Variants in ATXN7L1 observed in about 807,000 individuals in gnomAD.
ATXN7L1 encodes ataxin 7 like 1, also known as ataxin-7-like protein 1.
A neutral mutation model predicts 70.8 loss-of-function variants in ATXN7L1; 15 were observed. That is an observed-to-expected ratio of 0.21 (90% confidence interval 0.14 to 0.33). The LOEUF is 0.33. Among genes scored for constraint, ATXN7L1 ranks in the 10% least tolerant of loss-of-function variants. ATXN7L1 has a pLI of 1.00. For synonymous variants in ATXN7L1, 440 were observed against 445.1 expected (o/e 0.99, Z 0.14); for missense variants, 975 against 1,097.1 (o/e 0.89, Z 1.57).
chr7:105,608,589 C>T (rs1364734646), intron 11 of ATXN7L1, among the ~76,000 whole-genome samples: 2 of 152,084 alleles, frequency 1.3e-5, no homozygotes, highest in African/African-American at 4.8e-5. Context: ...TCTGTAGGTA[C>T]ACATGACAAC....
At chr7:105,764,501 G>A (rs1279860955) in intron 3 of ATXN7L1, among the ~76,000 whole-genome samples, 1 of 152,084 alleles carries the variant, frequency 6.6e-6, no homozygotes, top group Non-Finnish European at 1.5e-5. Context: ...GCCCTCCAGG[G>A]GATTCTGACA....
intron 3 of ATXN7L1, among the ~76,000 whole-genome samples, chr7:105,756,375 G>A (rs1398134952): frequency 6.6e-6 from 1 of 152,174 alleles, no homozygotes; most frequent in African/African-American, 2.4e-5. Context: ...AGAGAAAAAT[G>A]TGAATGTGAT....
chr7:105,737,404 C>G (rs1050932517), intron 3 of ATXN7L1, among the ~76,000 whole-genome samples: 1 of 152,220 alleles, frequency 6.6e-6, no homozygotes, highest in African/African-American at 2.4e-5. Context: ...ATCCTCATGA[C>G]AATTCCACGA....
At chr7:105,810,807 G>A (rs1033474375) in intron 2 of ATXN7L1, among the ~76,000 whole-genome samples, 3 of 152,244 alleles carry the variant, frequency 2.0e-5, no homozygotes, top group Non-Finnish European at 4.4e-5. Context: ...GAGCAGAGGA[G>A]TGACATGAAC....
At chr7:105,788,745 G>A in intron 2 of ATXN7L1, 37 bp from the exon 3 acceptor site, 3 of 1,510,272 alleles carry the variant, frequency 2.0e-6, no homozygotes, top group Non-Finnish European at 2.8e-6. Flanking sequence ...TTTTGAAAAA[G>A]CAATTAAGTC....
intron 2 of ATXN7L1, among the ~76,000 whole-genome samples, chr7:105,805,514 C>T (rs1002023949): frequency 6.6e-6 from 1 of 152,178 alleles, no homozygotes. Flanking sequence ...TGATTATATG[C>T]CAGACACTGG....
At chr7:105,784,628 C>T (rs1221993195) in intron 3 of ATXN7L1, among the ~76,000 whole-genome samples, 1 of 151,892 alleles carries the variant, frequency 6.6e-6, no homozygotes, top group East Asian at 1.9e-4. Context: ...CAGCTGGGGG[C>T]GATGGGGAAA....
Position 105,735,122 on chromosome 7 carries a change from C to T in ATXN7L1, c.355+53482G>A, listed in dbSNP as rs140320872. Among the ~76,000 whole-genome samples, 287 of 152,260 alleles carry T rather than the reference C, an allele frequency of 1.9e-3. 1 individual carries two copies. The highest frequency in any genetic ancestry group is 6.6e-3 in the African/African-American group (276 of 41,540). On this transcript the variant is annotated intron_variant, in intron 3 of 11. Coordinates refer to ENST00000419735, the MANE Select transcript of ATXN7L1 (RefSeq NM_020725.2). Reference sequence around the variant, plus strand: ...TAAAACAATTTCAAATTAAATACCTCGAAGAAATCCTTTTTTCCTCAGCCA... The same window carrying T: ...TAAAACAATTTCAAATTAAATACCTTGAAGAAATCCTTTTTTCCTCAGCCA...
chr7:105,627,847 T>TG lies in ATXN7L1; in HGVS notation c.1203-3581_1203-3580insC, dbSNP rs529927563. 7.4e-3 allele frequency among the ~76,000 whole-genome samples: 1,013 copies of TG among 136,940 alleles called. 3 individuals are homozygous for TG. Among genetic ancestry groups the TG allele is most frequent in the Non-Finnish European group, 0.011 (711 of 63,184 alleles). 89.8% of individuals were successfully genotyped at this position (136,940 alleles called of 152,430 possible). On this transcript the variant is annotated intron_variant, in intron 7 of 11. Transcript: ENST00000419735. Reference sequence around the variant, plus strand: ...ACGCCCGGTCCTGTCTTTAGTTTTTTTTTTTTTTTTTTTTTGAGATGGAGT... The same window carrying TG: ...ACGCCCGGTCCTGTCTTTAGTTTTTTGTTTTTTTTTTTTTTTGAGATGGAGT...
intron 3 of ATXN7L1, among the ~76,000 whole-genome samples, chr7:105,673,203 C>T (rs1365693945): frequency 6.6e-6 from 1 of 152,208 alleles, no homozygotes; most frequent in Non-Finnish European, 1.5e-5. Flanking sequence ...TTCAGTGTTC[C>T]CTTCCCCATA....
chr7:105,688,430 C>G (rs538197146), intron 3 of ATXN7L1, among the ~76,000 whole-genome samples: 1 of 152,090 alleles, frequency 6.6e-6, no homozygotes, highest in African/African-American at 2.4e-5. Flanking sequence ...GTAGCCCCAG[C>G]TACTTGGGAG....
intron 3 of ATXN7L1, among the ~76,000 whole-genome samples, chr7:105,777,633 C>T (rs866157841): frequency 1.3e-4 from 20 of 152,310 alleles, no homozygotes; most frequent in Middle Eastern, 3.4e-3. Flanking sequence ...AAATAGATCT[C>T]GAGTTTATCC....
intron 2 of ATXN7L1, among the ~76,000 whole-genome samples, chr7:105,807,033 G>A (rs1465436950): frequency 2.0e-5 from 3 of 152,182 alleles, no homozygotes; most frequent in African/African-American, 7.2e-5. Context: ...GGCCTCCTGG[G>A]CCAGGGCACG....
chr7:105,788,716 G>T lies in ATXN7L1; in HGVS notation c.251-8C>A. 1 of 1,594,162 alleles carries T rather than the reference G, an allele frequency of 6.3e-7. No individual in the cohort carries two copies. Among genetic ancestry groups the T allele is most frequent in the Non-Finnish European group, 8.6e-7 (1 of 1,161,926 alleles). On this transcript the variant is annotated splice_region_variant and splice_polypyrimidine_tract_variant and intron_variant, in intron 2 of 11. Coordinates refer to ENST00000419735, the MANE Select transcript of ATXN7L1 (RefSeq NM_020725.2). Reference sequence around the variant, plus strand: ...GGCCAAATAAGTGCATATCTGTGGGGGAAATGAAAACAAGTGTGTTTTGAA... The same window carrying T: ...GGCCAAATAAGTGCATATCTGTGGGTGAAATGAAAACAAGTGTGTTTTGAA...
chr7:105,866,480 A>ATT (rs1269342194), intron 2 of ATXN7L1, among the ~76,000 whole-genome samples: 18 of 152,280 alleles, frequency 1.2e-4, no homozygotes, highest in Admixed American at 1.1e-3. Flanking sequence ...CTTATAGACG[A>ATT]CTAGGGCAGC....
At chr7:105,752,269 G>T (rs1799306834) in intron 3 of ATXN7L1, among the ~76,000 whole-genome samples, 1 of 152,196 alleles carries the variant, frequency 6.6e-6, no homozygotes, top group Non-Finnish European at 1.5e-5. Context: ...CTTCAGCATG[G>T]AGCTAAATGC....
chr7:105,692,411 T>TCCCTCCCTCCC (rs1791052798), intron 3 of ATXN7L1, among the ~76,000 whole-genome samples: 1 of 119,416 alleles, frequency 8.4e-6, no homozygotes, highest in African/African-American at 3.1e-5. Context: ...CCTTCCTTCC[T>TCCCTCCCTCCC]TCCTTCCTTC....
At chr7:105,609,123 GC>G (rs1261977242) in intron 11 of ATXN7L1, among the ~76,000 whole-genome samples, 1 of 152,002 alleles carries the variant, frequency 6.6e-6, no homozygotes, top group East Asian at 1.9e-4. Context: ...CTCATCAGAG[GC>G]TTTTGAGAGA....
chr7:105,831,737 T>A (rs1811648189), intron 2 of ATXN7L1, among the ~76,000 whole-genome samples: 1 of 152,118 alleles, frequency 6.6e-6, no homozygotes, highest in Admixed American at 6.6e-5. Flanking sequence ...GTAAATGACT[T>A]AGCTGAACAC....
Sources: gnomAD v4.1 joint callset for allele counts (sites outside exome capture counted in the v4.1 genomes callset) on GRCh38, gnomAD v4.1.1 for gene constraint, MANE v1.5 for transcripts, NCBI Gene and HGNC (gene_info 2026-07-23, HGNC 2026-07-21) for gene names.